RAB17: variants seen among roughly 807,000 people sequenced by gnomAD.
RAB17 encodes RAB17, member RAS oncogene family, also known as ras-related protein Rab-17.
Under a neutral mutation model 19.3 loss-of-function variants are expected in RAB17, and 15 were observed. That is an observed-to-expected ratio of 0.78 (90% confidence interval 0.52 to 1.20). RAB17 has a LOEUF of 1.20. Among genes scored for constraint, RAB17 ranks in the 50% most tolerant of loss-of-function variants. The pLI is 0.00. For missense variants in RAB17, 262 were observed against 269.3 expected (o/e 0.97, Z 0.19); for synonymous variants, 110 against 112.8 (o/e 0.97, Z 0.16).
In RAB17 at chr2:237,575,471, C is replaced by T. The variant is rs1489023079; in HGVS notation, c.445G>A (p.Glu149Lys). 6.2e-7 allele frequency: 1 copy of T among 1,609,708 alleles called. No homozygotes were observed. Among genetic ancestry groups the T allele is most frequent in the African/African-American group, 1.3e-5 (1 of 74,862 alleles). ...AGCAACTTCTGGCTGTCGGCAAACT[C>T]CTTCCCTTCCTGAAGGAAACAGCCA... ...EREVTFQEGK[E>K]FADSQKLLFM... Residue 149 changes from glutamate to lysine, a missense_variant, in exon 5 of 6, where the codon GAG (glutamate) becomes AAG (lysine). Coordinates refer to ENST00000264601, the MANE Select transcript of RAB17 (RefSeq NM_022449.4).
intron 1 of RAB17, among the ~76,000 whole-genome samples, chr2:237,590,243 C>T (rs556393966): frequency 1.3e-5 from 2 of 151,974 alleles, no homozygotes. Context: ...GGGAATCCGA[C>T]TTAGTGAGCC....
chr2:237,585,880 TCAAGGTCC>T (rs2081345899), intron 2 of RAB17, 110 bp downstream of exon 2: 1 of 1,129,034 alleles, frequency 8.9e-7, no homozygotes, highest in East Asian at 2.6e-5. Flanking sequence ...CACAGGCAGC[TCAAGGTCC>T]CAGCATGGGG....
chr2:237,574,612 A>T lies in RAB17; in HGVS notation c.*407T>A. On this transcript the variant is annotated 3_prime_UTR_variant, in exon 6 of 6. Coordinates refer to ENST00000264601, the MANE Select transcript of RAB17 (RefSeq NM_022449.4). ...CTGGCCTGCTCCCCAACCCCCCAGA[A>T]GCAGGTGGGCCCAGGCTCCAGGCCA... 6.5e-7 allele frequency: 1 copy of T among 1,532,178 alleles called. No individual in the cohort carries two copies. The allele number at this position is 1,532,178 out of a possible 1,614,324, so 94.9% of individuals were successfully genotyped here. A position where few individuals can be genotyped will look rare whatever the true frequency, so the allele number is the denominator to read the frequency against.
Position 237,574,815 on chromosome 2 carries a change from C to A in RAB17, c.*204G>T. The A allele has an allele frequency of 1.1e-6, 1 of 891,136 alleles. No individual in the cohort carries two copies. The highest frequency in any genetic ancestry group is 1.6e-6 in the Non-Finnish European group (1 of 616,738). 55.2% of individuals were successfully genotyped at this position (891,136 alleles called of 1,614,324 possible). On this transcript the variant is annotated 3_prime_UTR_variant, in exon 6 of 6. Coordinates refer to ENST00000264601, the MANE Select transcript of RAB17 (RefSeq NM_022449.4). ...GTATCAGTGGGGATAGGGCACAGCA[C>A]TTTCCTGGGAGCCATGTGACGCCAG... is the stretch of plus-strand genomic sequence containing the variant.
Position 237,578,092 on chromosome 2 carries a change from G to A in RAB17, c.221C>T (p.Thr74Ile). The change falls in exon 3 of 6, where the codon ACA becomes ATA. Residue 74 changes from threonine to isoleucine, a missense_variant. Transcript: ENST00000264601. ...GCTGTGGTACTTCTCCTGGCCAGCT[G>A]TGTCCCAGATCTCAAGCTTCAGAGA... Reference protein sequence around the residue: ...ATSLKLEIWDTAGQEKYHSVC... With the variant: ...ATSLKLEIWDIAGQEKYHSVC... 6.2e-7 allele frequency: 1 copy of A among 1,613,936 alleles called. No homozygotes were observed. Among genetic ancestry groups the A allele is most frequent in the Non-Finnish European group, 8.5e-7 (1 of 1,179,796 alleles).
intron 2 of RAB17, among the ~76,000 whole-genome samples, chr2:237,585,056 G>A (rs2081338986): frequency 1.3e-5 from 2 of 152,226 alleles, no homozygotes; most frequent in African/African-American, 4.8e-5. Context: ...CTGAGAAAAT[G>A]GAAGGGCTCC....
At chr2:237,578,716 C>G (rs1002482983) in intron 2 of RAB17, 2 of 152,596 alleles carry the variant, frequency 1.3e-5, no homozygotes, top group Non-Finnish European at 2.9e-5. Context: ...TCTTGTTCAC[C>G]TAGAAAACTC....
At chr2:237,577,944 A>G in intron 3 of RAB17, 60 bp downstream of exon 3, 1 of 1,536,956 alleles carries the variant, frequency 6.5e-7, no homozygotes, top group Admixed American at 1.9e-5. Context: ...ATTGCACTGG[A>G]GAAACCAGAA....
rs2081346719 is a variant in RAB17, at chr2:237,585,981, G to T, written c.157+17C>A. 1 of 1,586,508 alleles carries T rather than the reference G, an allele frequency of 6.3e-7. No individual in the cohort carries two copies. The highest frequency in any genetic ancestry group is 8.6e-7 in the Non-Finnish European group (1 of 1,165,952). On this transcript the variant is annotated intron_variant, in intron 2 of 5. Transcript: ENST00000264601. ...CTGCACTGAAGACCAACAAAGGGGT[G>T]CTCTGCCCTCACTTACAGCCCACCG...
intron 2 of RAB17, among the ~76,000 whole-genome samples, chr2:237,581,267 GA>G (rs138048933): frequency 0.076 from 11,577 of 151,756 alleles, 1,483 homozygotes; most frequent in African/African-American, 0.26. Context: ...CCCAGCTACT[GA>G]AGAGGTGGAG....
chr2:237,581,791 G>A (rs2149185874), intron 2 of RAB17, among the ~76,000 whole-genome samples: 1 of 152,322 alleles, frequency 6.6e-6, no homozygotes, highest in East Asian at 1.9e-4. Flanking sequence ...AGTTGAATGT[G>A]CTCAGTACCT....
At chr2:237,587,073 C>T (rs867071483) in intron 1 of RAB17, among the ~76,000 whole-genome samples, 9 of 152,132 alleles carry the variant, frequency 5.9e-5, no homozygotes, top group South Asian at 4.1e-4. Context: ...TTTGATACCG[C>T]GGTGGTTCAG....
At chr2:237,584,632 C>T (rs138924894) in intron 2 of RAB17, among the ~76,000 whole-genome samples, 6 of 152,264 alleles carry the variant, frequency 3.9e-5, no homozygotes, top group Middle Eastern at 6.8e-3. Context: ...AGAGTGAGAT[C>T]CATCCCCAGT....
At chr2:237,579,282 A>G (rs1460084151) in intron 2 of RAB17, 2 of 152,258 alleles carry the variant, frequency 1.3e-5, no homozygotes, top group Non-Finnish European at 2.9e-5. Context: ...CACTCCAAGG[A>G]CAGTGCATGA....
intron 5 of RAB17, 107 bp downstream of exon 5, chr2:237,575,280 C>A: frequency 9.3e-7 from 1 of 1,075,614 alleles, no homozygotes; most frequent in Non-Finnish European, 1.4e-6. Flanking sequence ...ACCATCCAGT[C>A]CCTAAAGACA....
At position 237,578,151 on chromosome 2, in the gene RAB17, C is replaced by T. The variant is rs140552381; in HGVS notation, c.162G>A (p.Ala54=). 2.2e-5 allele frequency: 36 copies of T among 1,608,962 alleles called. No individual in the cohort carries two copies. Among genetic ancestry groups the T allele is most frequent in the African/African-American group, 1.5e-4 (11 of 74,850 alleles). ...FKSILPTVGC[A]FFTKVVDVGA... ...CCACATCCACCACCTTTGTGAAGAACGCACCTGAAACAGGGAGGCCCAGAG... is the reference window on the plus strand; with the variant it reads ...CCACATCCACCACCTTTGTGAAGAATGCACCTGAAACAGGGAGGCCCAGAG... Residue 54 remains alanine, a synonymous_variant, in exon 3 of 6, where the codon GCG becomes GCA. Coordinates refer to ENST00000264601, the MANE Select transcript of RAB17 (RefSeq NM_022449.4).
At chr2:237,578,309 C>T in intron 2 of RAB17, 154 bp from the exon 3 acceptor site, 2 of 689,056 alleles carry the variant, frequency 2.9e-6, no homozygotes. Context: ...GTTGAGCAAA[C>T]AGTTCTTCTG....
chr2:237,589,811 C>T (rs963233106), intron 1 of RAB17, among the ~76,000 whole-genome samples: 3 of 152,120 alleles, frequency 2.0e-5, no homozygotes, highest in African/African-American at 7.2e-5. Flanking sequence ...TAATCTCTTG[C>T]ACCTCCCTTC....
Position 237,574,378 on chromosome 2 carries a change from T to C in RAB17, c.*641A>G. 1 of 1,518,698 alleles carries C rather than the reference T, an allele frequency of 6.6e-7. No individual in the cohort carries two copies. The highest frequency in any genetic ancestry group is 8.8e-7 in the Non-Finnish European group (1 of 1,131,224). 94.1% of individuals were successfully genotyped at this position (1,518,698 alleles called of 1,614,324 possible). A position where few individuals can be genotyped will look rare whatever the true frequency, so the allele number is the denominator to read the frequency against. On this transcript the variant is annotated 3_prime_UTR_variant, in exon 6 of 6. Coordinates refer to ENST00000264601, the MANE Select transcript of RAB17 (RefSeq NM_022449.4). The stretch of plus-strand genomic sequence containing the variant: ...GAAAAACTGCATACGCAGTACAACT[T>C]ATATCTCAGGCGAAATGTCTCAGAA...
Sources: gnomAD v4.1 joint callset for allele counts (sites outside exome capture counted in the v4.1 genomes callset) on GRCh38, gnomAD v4.1.1 for gene constraint, MANE v1.5 for transcripts, NCBI Gene and HGNC (gene_info 2026-07-23, HGNC 2026-07-21) for gene names.